TADA2A: variants seen among roughly 807,000 people sequenced by gnomAD.
TADA2A encodes the protein transcriptional adaptor 2A, also known as transcriptional adapter 2-alpha.
Under a neutral mutation model 67.4 loss-of-function variants are expected in TADA2A, and 38 were observed. The observed-to-expected ratio is 0.56, with a 90% CI of 0.44 to 0.74. TADA2A has a LOEUF of 0.74. Ranked by LOEUF, TADA2A falls within the 30% of genes least tolerant of loss-of-function variation. TADA2A has a pLI of 0.00. For synonymous variants in TADA2A, 192 were observed against 181.6 expected (o/e 1.06, Z -0.46); for missense variants, 454 against 547.0 (o/e 0.83, Z 1.70).
chr17:37,439,886 T>C (rs1057076007), intron 5 of TADA2A, among the ~76,000 whole-genome samples: 1 of 151,244 alleles, frequency 6.6e-6, no homozygotes, highest in Non-Finnish European at 1.5e-5. Context: ...CACAGGAAAA[T>C]TTACAAATTT....
At chr17:37,460,043 G>A (rs2053508568) in intron 9 of TADA2A, among the ~76,000 whole-genome samples, 1 of 151,314 alleles carries the variant, frequency 6.6e-6, no homozygotes, top group Non-Finnish European at 1.5e-5. Flanking sequence ...TCCAGCCTGG[G>A]CGACAGGGTG....
At chr17:37,474,748 C>A in intron 15 of TADA2A, 119 bp downstream of exon 15, 1 of 1,091,586 alleles carries the variant, frequency 9.2e-7, no homozygotes, top group Non-Finnish European at 1.3e-6. Flanking sequence ...CATATATGCA[C>A]AGCTCTGGTG....
chr17:37,433,058 C>G (rs974514346), intron 4 of TADA2A, among the ~76,000 whole-genome samples: 1 of 149,680 alleles, frequency 6.7e-6, no homozygotes, highest in Non-Finnish European at 1.5e-5. Flanking sequence ...TTTTCCTTCC[C>G]TTTCTCTCAT....
At chr17:37,473,269 G>A (rs935907333) in intron 14 of TADA2A, among the ~76,000 whole-genome samples, 1 of 150,242 alleles carries the variant, frequency 6.7e-6, no homozygotes, top group Non-Finnish European at 1.5e-5. Flanking sequence ...CTCTGCACCC[G>A]GCCTCTTGTT....
intron 1 of TADA2A, among the ~76,000 whole-genome samples, chr17:37,409,448 T>C (rs2051787928): frequency 6.6e-6 from 1 of 151,976 alleles, no homozygotes; most frequent in Admixed American, 6.6e-5. Flanking sequence ...ACTCACAAAG[T>C]AGAATGTGAA....
chr17:37,422,074 A>C (rs146703540), intron 2 of TADA2A, among the ~76,000 whole-genome samples: 100,100 of 139,258 alleles, frequency 0.72, 40,013 homozygotes, highest in East Asian at 0.96. Flanking sequence ...GAGACAGAGT[A>C]AGACTCTGTC....
At chr17:37,423,130 C>G (rs2052296833) in intron 2 of TADA2A, among the ~76,000 whole-genome samples, 1 of 152,136 alleles carries the variant, frequency 6.6e-6, no homozygotes. Context: ...ACTTGGGAGG[C>G]TGAGGCAGGA....
chr17:37,449,335 T>C (rs2053169516), intron 8 of TADA2A, among the ~76,000 whole-genome samples: 1 of 152,226 alleles, frequency 6.6e-6, no homozygotes, highest in African/African-American at 2.4e-5. Flanking sequence ...TTCACTGTTT[T>C]ATACATAGGA....
At chr17:37,425,025 G>A (rs574836438) in intron 3 of TADA2A, among the ~76,000 whole-genome samples, 1 of 152,068 alleles carries the variant, frequency 6.6e-6, no homozygotes, top group African/African-American at 2.4e-5. Context: ...GGTTACAGGT[G>A]CATGCCACCA....
Position 37,420,848 on chromosome 17 carries a change from C to G in TADA2A, c.26-2661C>G, listed in dbSNP as rs1187841884. On this transcript the variant is annotated intron_variant, in intron 2 of 15. Coordinates refer to ENST00000615182, the MANE Select transcript of TADA2A (RefSeq NM_001166105.3). ...GGCTGAACAAATTAAATTCCTTCAT[C>G]TACCTTCAAAGCTTTTCTTCTCTTA... is the stretch of plus-strand genomic sequence containing the variant. 3.1e-4 allele frequency among the ~76,000 whole-genome samples: 45 copies of G among 146,958 alleles called. 3 individuals are homozygous for G. Among genetic ancestry groups the G allele is most frequent in the Non-Finnish European group, 1.2e-4 (8 of 65,832 alleles).
chr17:37,465,796 A>G (rs1157804190), intron 11 of TADA2A: 3 of 569,734 alleles, frequency 5.3e-6, no homozygotes, highest in Admixed American at 3.3e-5. Flanking sequence ...TATCATGGGA[A>G]CTTTCAAATA....
intron 8 of TADA2A, among the ~76,000 whole-genome samples, chr17:37,445,328 C>A (rs769983765): frequency 1.3e-5 from 2 of 152,264 alleles, no homozygotes; most frequent in African/African-American, 4.8e-5. Flanking sequence ...TGCAGTGGCG[C>A]GATCTTGGCT....
intron 4 of TADA2A, among the ~76,000 whole-genome samples, chr17:37,428,606 G>T (rs906127053): frequency 1.3e-5 from 2 of 152,112 alleles, no homozygotes; most frequent in African/African-American, 4.8e-5. Context: ...CTTTGAGACA[G>T]GGTCTCACTC....
At chr17:37,425,387 A>G (rs971745378) in intron 3 of TADA2A, among the ~76,000 whole-genome samples, 1 of 152,176 alleles carries the variant, frequency 6.6e-6, no homozygotes, top group Non-Finnish European at 1.5e-5. Flanking sequence ...CACTTTGAGT[A>G]CTTTACATGA....
chr17:37,457,950 G>A (rs898406510), intron 8 of TADA2A, among the ~76,000 whole-genome samples: 1 of 152,128 alleles, frequency 6.6e-6, no homozygotes, highest in Non-Finnish European at 1.5e-5. Flanking sequence ...TTTAAATTCA[G>A]GGGTACATAT....
intron 2 of TADA2A, among the ~76,000 whole-genome samples, chr17:37,419,998 G>A (rs978188533): frequency 3.0e-5 from 4 of 135,342 alleles, no homozygotes; most frequent in African/African-American, 1.0e-4. Flanking sequence ...CTGGGCGACA[G>A]AGCAAGACTC....
intron 15 of TADA2A, among the ~76,000 whole-genome samples, 200 bp downstream of exon 15, chr17:37,474,829 A>C (rs2053860758): frequency 6.6e-6 from 1 of 152,180 alleles, no homozygotes; most frequent in Non-Finnish European, 1.5e-5. Flanking sequence ...TTGTCACCCT[A>C]CCACCATTCC....
At chr17:37,409,779 AAAAC>A (rs1298402750) in intron 1 of TADA2A, among the ~76,000 whole-genome samples, 7 of 142,172 alleles carry the variant, frequency 4.9e-5, no homozygotes, top group Admixed American at 2.3e-4. Flanking sequence ...AAAAAAAACA[AAAAC>A]AAAAACAAAA....
At chr17:37,422,957 G>T (rs995235826) in intron 2 of TADA2A, among the ~76,000 whole-genome samples, 5 of 152,206 alleles carry the variant, frequency 3.3e-5, no homozygotes, top group Non-Finnish European at 7.3e-5. Context: ...ATGTGTTTGT[G>T]ACTGGGCATG....
Sources: gnomAD v4.1 joint callset for allele counts (sites outside exome capture counted in the v4.1 genomes callset) on GRCh38, gnomAD v4.1.1 for gene constraint, MANE v1.5 for transcripts, NCBI Gene and HGNC (gene_info 2026-07-23, HGNC 2026-07-21) for gene names.